The following LRRTM3 variants were observed in gnomAD, a reference collection of about 807,000 sequenced individuals.
LRRTM3 encodes the protein leucine rich repeat transmembrane neuronal 3.
LRRTM3 carries 24 observed loss-of-function variants against 44.7 expected under a neutral mutation model. The ratio of observed to expected loss-of-function variants is 0.54; its 90% CI spans 0.39 to 0.76. The LOEUF (loss-of-function observed/expected upper bound fraction) is 0.76, where lower values mean the gene tolerates loss of function less well. Among genes scored for constraint, LRRTM3 ranks in the 30% least tolerant of loss-of-function variants. The pLI, the probability that LRRTM3 is intolerant of heterozygous loss-of-function variation, is 0.00. For missense variants in LRRTM3, 587 were observed against 702.2 expected, an observed-to-expected ratio of 0.84 and a Z score of 1.85; for synonymous variants, 277 against 278.7, an observed-to-expected ratio of 0.99 and a Z score of 0.06.
chr10:67,016,389 T>G lies in LRRTM3; in HGVS notation c.1537-81198T>G, dbSNP rs1023205384. 1.4e-4 allele frequency among the ~76,000 whole-genome samples: 22 copies of G among 152,308 alleles called. No homozygotes were observed. The South Asian group carries it at 4.4e-3, about 30-fold the overall frequency. ...CCTCGTTTCTTTTTGTTTGTTTGTT[T>G]TATTTAAGGAGTTTGCATGGATCAC... On this transcript the variant is annotated intron_variant, in intron 2 of 2. Coordinates refer to ENST00000361320, the MANE Select transcript of LRRTM3 (RefSeq NM_178011.5).
At chr10:66,996,947 CA>C (rs1157777086) in intron 2 of LRRTM3, among the ~76,000 whole-genome samples, 1 of 151,990 alleles carries the variant, frequency 6.6e-6, no homozygotes, top group African/African-American at 2.4e-5. Context: ...GACATTAAAT[CA>C]AGAGGTTTAA....
At chr10:66,979,575 C>T (rs1850292013) in intron 2 of LRRTM3, among the ~76,000 whole-genome samples, 1 of 152,072 alleles carries the variant, frequency 6.6e-6, no homozygotes, top group African/African-American at 2.4e-5. Context: ...GCCATGCGAC[C>T]TGGAAGAATT....
At chr10:67,007,630 C>A (rs965761212) in intron 2 of LRRTM3, among the ~76,000 whole-genome samples, 1 of 151,890 alleles carries the variant, frequency 6.6e-6, no homozygotes, top group Non-Finnish European at 1.5e-5. Flanking sequence ...AAACCCTTGC[C>A]AGTGTTTCCC....
At chr10:67,077,238 G>A (rs747382075) in intron 2 of LRRTM3, among the ~76,000 whole-genome samples, 1 of 152,086 alleles carries the variant, frequency 6.6e-6, no homozygotes, top group Non-Finnish European at 1.5e-5. Flanking sequence ...GACCTTTGTT[G>A]TCCCTCCTCT....
intron 2 of LRRTM3, among the ~76,000 whole-genome samples, chr10:67,079,543 TAAAAC>T (rs1020160946): frequency 4.6e-5 from 7 of 152,056 alleles, no homozygotes; most frequent in Non-Finnish European, 1.0e-4. Context: ...ATTAGGAAGA[TAAAAC>T]ATAACAATAA....
At chr10:66,942,393 C>A (rs899077733) in intron 2 of LRRTM3, among the ~76,000 whole-genome samples, 4 of 152,152 alleles carry the variant, frequency 2.6e-5, no homozygotes, top group Admixed American at 2.0e-4. Context: ...ATTAAGTATT[C>A]TTCTGTAACA....
At chr10:66,944,945 A>G (rs1356872639) in intron 2 of LRRTM3, among the ~76,000 whole-genome samples, 1 of 152,180 alleles carries the variant, frequency 6.6e-6, no homozygotes, top group Non-Finnish European at 1.5e-5. Context: ...AAACCATGCT[A>G]TAAACACATG....
At chr10:67,006,401 C>A (rs1184374603) in intron 2 of LRRTM3, among the ~76,000 whole-genome samples, 1 of 152,154 alleles carries the variant, frequency 6.6e-6, no homozygotes, top group African/African-American at 2.4e-5. Context: ...CCTTCTCTTT[C>A]TCCCTCTTTC....
At chr10:67,081,591 A>G (rs1857057912) in intron 2 of LRRTM3, among the ~76,000 whole-genome samples, 1 of 152,098 alleles carries the variant, frequency 6.6e-6, no homozygotes, top group African/African-American at 2.4e-5. Flanking sequence ...GGCTCTCATC[A>G]TCTCTCGCCT....
chr10:66,966,104 G>A (rs886174110), intron 2 of LRRTM3, among the ~76,000 whole-genome samples: 1 of 151,790 alleles, frequency 6.6e-6, no homozygotes, highest in African/African-American at 2.4e-5. Context: ...GTAAAATTGG[G>A]ATAACAATAG....
chr10:67,062,950 A>G (rs547006386), intron 2 of LRRTM3, among the ~76,000 whole-genome samples: 1 of 152,100 alleles, frequency 6.6e-6, no homozygotes, highest in East Asian at 1.9e-4. Context: ...TAGCTCTCTC[A>G]TATGCTGAGA....
At chr10:67,088,088 TGA>T (rs1181875183) in intron 2 of LRRTM3, among the ~76,000 whole-genome samples, 1 of 150,314 alleles carries the variant, frequency 6.7e-6, no homozygotes, top group Non-Finnish European at 1.5e-5. Context: ...AGAACAAGAG[TGA>T]GAGAGTAAGT....
chr10:67,099,720 C>T lies in LRRTM3; in HGVS notation c.*1924C>T, dbSNP rs1858227384. The T allele has an allele frequency of 6.6e-6, 1 of 152,148 alleles. No individual in the cohort carries two copies. The highest frequency in any genetic ancestry group is 6.6e-5 in the Admixed American group (1 of 15,172). 9.4% of individuals were successfully genotyped at this position (152,148 alleles called of 1,614,324 possible). A position where few individuals can be genotyped will look rare whatever the true frequency, so the allele number is the denominator to read the frequency against. On this transcript the variant is annotated 3_prime_UTR_variant, in exon 3 of 3. Coordinates refer to ENST00000361320, the MANE Select transcript of LRRTM3 (RefSeq NM_178011.5). ...TAAATGTCAAACACAGTACTTGTGT[C>T]AACTATTTAGCATCCCAGATTTTGT...
At chr10:66,928,842 C>A (rs1457741691) in intron 2 of LRRTM3, among the ~76,000 whole-genome samples, 1 of 152,182 alleles carries the variant, frequency 6.6e-6, no homozygotes, top group Non-Finnish European at 1.5e-5. Flanking sequence ...AGGTTTGCAC[C>A]TCACTGGCAA....
intron 2 of LRRTM3, among the ~76,000 whole-genome samples, chr10:66,999,627 G>A (rs79146677): frequency 1.5e-3 from 234 of 152,086 alleles, no homozygotes; most frequent in African/African-American, 5.1e-3. Context: ...TGGTGCTTCC[G>A]GAAACATAAA....
At chr10:67,023,308 T>G (rs763662488) in intron 2 of LRRTM3, among the ~76,000 whole-genome samples, 2 of 152,138 alleles carry the variant, frequency 1.3e-5, no homozygotes, top group African/African-American at 4.8e-5. Context: ...AAAGGTTCTA[T>G]GTAGAGTAGA....
intron 2 of LRRTM3, among the ~76,000 whole-genome samples, chr10:67,004,128 GC>G (rs1851837420): frequency 6.6e-6 from 1 of 151,802 alleles, no homozygotes; most frequent in African/African-American, 2.4e-5. Context: ...TGGCTGTGGA[GC>G]CATGGCTGTG....
In LRRTM3 at chr10:67,028,374, C is replaced by T. The variant is rs184310095; in HGVS notation, c.1537-69213C>T. ...ATAGATTTGGAGAGTACCTATCATC[C>T]ACAGCTTGCATGACTTCCAGTATTT... On this transcript the variant is annotated intron_variant, in intron 2 of 2. Transcript: ENST00000361320. Among the ~76,000 whole-genome samples the T allele has an allele frequency of 8.2e-4, 125 of 151,896 alleles. 1 individual carries two copies. The highest frequency in any genetic ancestry group is 1.3e-3 in the Non-Finnish European group (87 of 67,968).
chr10:67,080,154 C>T (rs1856976443), intron 2 of LRRTM3, among the ~76,000 whole-genome samples: 1 of 152,120 alleles, frequency 6.6e-6, no homozygotes, highest in Non-Finnish European at 1.5e-5. Context: ...TAAAAAATTC[C>T]CTCTTCTCAA....
Sources: gnomAD v4.1 joint callset for allele counts (sites outside exome capture counted in the v4.1 genomes callset) on GRCh38, gnomAD v4.1.1 for gene constraint, MANE v1.5 for transcripts, NCBI Gene and HGNC (gene_info 2026-07-23, HGNC 2026-07-21) for gene names.